LPP: variants seen among roughly 807,000 people sequenced by gnomAD.
LPP encodes the protein lipoma-preferred partner.
In LPP, 38 loss-of-function variants were observed where a neutral mutation model predicts 60.4. The observed-to-expected ratio is 0.63, with a 90% CI of 0.49 to 0.83. The LOEUF (loss-of-function observed/expected upper bound fraction) is 0.83. LPP is among the 40% of genes least tolerant of loss of function. The probability of loss-of-function intolerance (pLI) is 0.00; values close to 1 mark genes in which losing one functional copy is unlikely to be tolerated. For missense variants in LPP, 902 were observed against 783.6 expected (o/e 1.15, Z -1.80); for synonymous variants, 328 against 290.8 (o/e 1.13, Z -1.30).
intron 4 of LPP, among the ~76,000 whole-genome samples, chr3:188,479,373 G>C (rs1804117082): frequency 6.6e-6 from 1 of 152,228 alleles, no homozygotes; most frequent in African/African-American, 2.4e-5. Context: ...ACACCTGAGA[G>C]CATGTTGGAA....
chr3:188,208,266 C>G (rs926497024), intron 1 of LPP: 1 of 152,188 alleles, frequency 6.6e-6, no homozygotes, highest in Non-Finnish European at 1.5e-5. Context: ...CCAGCTTGCT[C>G]TCAGAGCTCC....
At chr3:188,564,229 C>T (rs1220717695) in intron 6 of LPP, among the ~76,000 whole-genome samples, 1 of 151,966 alleles carries the variant, frequency 6.6e-6, no homozygotes, top group Non-Finnish European at 1.5e-5. Context: ...CCATGCCATA[C>T]TCCTTCTTTC....
intron 1 of LPP, among the ~76,000 whole-genome samples, chr3:188,223,804 T>C (rs1231996222): frequency 6.6e-6 from 1 of 152,228 alleles, no homozygotes. Flanking sequence ...TCGTTTGTTT[T>C]ATGAAATTGC....
chr3:188,622,313 G>C (rs1324549113), intron 7 of LPP, among the ~76,000 whole-genome samples: 1 of 152,002 alleles, frequency 6.6e-6, no homozygotes, highest in Non-Finnish European at 1.5e-5. Flanking sequence ...CCAATACTCT[G>C]TATTCTCTTC....
At chr3:188,268,578 G>T (rs1175236301) in intron 2 of LPP, among the ~76,000 whole-genome samples, 1 of 152,220 alleles carries the variant, frequency 6.6e-6, no homozygotes, top group Non-Finnish European at 1.5e-5. Flanking sequence ...GAAACTCTGT[G>T]AATGGTACAA....
intron 9 of LPP, among the ~76,000 whole-genome samples, chr3:188,848,210 T>C (rs1230177322): frequency 6.6e-6 from 1 of 152,214 alleles, no homozygotes; most frequent in Non-Finnish European, 1.5e-5. Flanking sequence ...TGTGGGGTGA[T>C]ACAGGCAGAA....
intron 9 of LPP, among the ~76,000 whole-genome samples, chr3:188,782,617 T>C (rs1418507001): frequency 6.6e-6 from 1 of 152,030 alleles, no homozygotes; most frequent in African/African-American, 2.4e-5. Context: ...GCCTTCTCTG[T>C]CAAATAGATC....
intron 2 of LPP, among the ~76,000 whole-genome samples, chr3:188,251,476 C>T (rs968004833): frequency 6.6e-6 from 1 of 151,984 alleles, no homozygotes; most frequent in African/African-American, 2.4e-5. Context: ...AACTTATAGC[C>T]TCTTTCAATG....
At chr3:188,868,561 G>A (rs530686574) in intron 10 of LPP, among the ~76,000 whole-genome samples, 5 of 152,302 alleles carry the variant, frequency 3.3e-5, no homozygotes, top group East Asian at 3.9e-4. Flanking sequence ...AGGGAGAGAA[G>A]TTTTTTGATC....
chr3:188,836,078 C>G (rs1298649485), intron 9 of LPP, among the ~76,000 whole-genome samples: 1 of 152,088 alleles, frequency 6.6e-6, no homozygotes, highest in Non-Finnish European at 1.5e-5. Flanking sequence ...TGTTTCTGTC[C>G]AGAATTGTAG....
chr3:188,536,062 G>C (rs989788405), intron 6 of LPP, among the ~76,000 whole-genome samples: 1 of 143,090 alleles, frequency 7.0e-6, no homozygotes, highest in Admixed American at 7.4e-5. Flanking sequence ...AGGCTGGAGT[G>C]CAATGGCATG....
chr3:188,566,469 G>A (rs780028035), intron 6 of LPP, among the ~76,000 whole-genome samples: 4 of 151,806 alleles, frequency 2.6e-5, no homozygotes, highest in Non-Finnish European at 5.9e-5. Context: ...TTAAAAATAT[G>A]TATCTTAACT....
intron 8 of LPP, 112 bp downstream of exon 8, chr3:188,708,505 T>C: frequency 7.1e-7 from 1 of 1,415,726 alleles, no homozygotes; most frequent in Non-Finnish European, 1.0e-6. Flanking sequence ...TCCAGATGCA[T>C]GAGAGTTGAT....
chr3:188,328,833 G>C (rs1288052312), intron 2 of LPP, among the ~76,000 whole-genome samples: 2 of 152,292 alleles, frequency 1.3e-5, no homozygotes, highest in Non-Finnish European at 2.9e-5. Flanking sequence ...CATTTTATGT[G>C]ATCAGGTTTC....
intron 8 of LPP, chr3:188,746,484 A>G (rs904918095): frequency 2.1e-6 from 1 of 484,698 alleles, no homozygotes; most frequent in Non-Finnish European, 4.1e-6. Flanking sequence ...TTTGAACTTA[A>G]CAGAATGCTG....
At chr3:188,470,590 A>T (rs917813246) in intron 4 of LPP, among the ~76,000 whole-genome samples, 4 of 152,256 alleles carry the variant, frequency 2.6e-5, no homozygotes, top group African/African-American at 4.8e-5. Flanking sequence ...TCTCATGAAT[A>T]TTCCACAAGA....
intron 9 of LPP, among the ~76,000 whole-genome samples, chr3:188,806,283 A>G (rs2151239669): frequency 6.6e-6 from 1 of 152,018 alleles, no homozygotes; most frequent in East Asian, 1.9e-4. Context: ...TAGGATTGTT[A>G]TATCATCTTA....
intron 4 of LPP, among the ~76,000 whole-genome samples, chr3:188,435,378 T>G (rs188401146): frequency 1.3e-3 from 201 of 152,288 alleles, no homozygotes; most frequent in Non-Finnish European, 2.4e-3. Context: ...TAACATGACT[T>G]TTTAATAATG....
chr3:188,744,792 A>T (rs1368757985), intron 8 of LPP, among the ~76,000 whole-genome samples: 4 of 151,994 alleles, frequency 2.6e-5, no homozygotes, highest in Admixed American at 2.6e-4. Context: ...TTTACTTGAA[A>T]CTGGTATCTT....
Sources: gnomAD v4.1 joint callset for allele counts (sites outside exome capture counted in the v4.1 genomes callset) on GRCh38, gnomAD v4.1.1 for gene constraint, MANE v1.5 for transcripts, NCBI Gene and HGNC (gene_info 2026-07-23, HGNC 2026-07-21) for gene names.